The following MACF1 variants were observed in gnomAD, a reference collection of about 807,000 sequenced individuals.
The protein encoded by MACF1 is microtubule actin crosslinking factor 1.
In MACF1, 193 loss-of-function variants were observed where a neutral mutation model predicts 854.8. That is an observed-to-expected ratio of 0.23 (90% CI 0.20 to 0.25). The LOEUF (loss-of-function observed/expected upper bound fraction) is 0.25. Ranked by LOEUF, MACF1 falls within the 10% of genes least tolerant of loss-of-function variation. MACF1 has a pLI of 1.00. For synonymous variants in MACF1, 3,185 were observed against 3,226.7 expected (o/e 0.99, Z 0.44); for missense variants, 7,722 against 8,929.1 (o/e 0.86, Z 5.45).
intron 29 of MACF1, among the ~76,000 whole-genome samples, chr1:39,318,101 G>A (rs961679834): frequency 2.0e-5 from 3 of 152,096 alleles, no homozygotes; most frequent in African/African-American, 7.2e-5. Flanking sequence ...GTACTGACAG[G>A]TACTCTGTCA....
chr1:39,310,413 A>G lies in MACF1; in HGVS notation c.3085A>G (p.Lys1029Glu). ...ACKARFQHLM[K>E]SMENEDKEET... is the part of the protein sequence containing the mutation. ...TAAAGCCCGCTTCCAGCACCTGATGAAGTCCATGGAGAATGGTGTGTGCAC... is the reference window on the plus strand; with the variant it reads ...TAAAGCCCGCTTCCAGCACCTGATGGAGTCCATGGAGAATGGTGTGTGCAC... Residue 1029 changes from lysine to glutamate, a missense_variant, in exon 25 of 101, where the codon AAG (lysine) becomes GAG (glutamate). Physicochemically the swap from Lys to Glu is moderately conservative, Grantham distance 56. Transcript: ENST00000564288. The G allele has an allele frequency of 6.2e-7, 1 of 1,614,064 alleles. No individual in the cohort carries two copies. Among genetic ancestry groups the G allele is most frequent in the South Asian group, 1.1e-5 (1 of 91,066 alleles).
At chr1:39,405,117 A>G (rs1306779760) in intron 58 of MACF1, among the ~76,000 whole-genome samples, 1 of 152,198 alleles carries the variant, frequency 6.6e-6, no homozygotes, top group Non-Finnish European at 1.5e-5. Flanking sequence ...TGGGTTCACG[A>G]GTACATGAGA....
intron 2 of MACF1, among the ~76,000 whole-genome samples, chr1:39,087,583 T>G (rs1472153931): frequency 6.6e-6 from 1 of 152,230 alleles, no homozygotes; most frequent in African/African-American, 2.4e-5. Flanking sequence ...CCAGCCACAT[T>G]CAAATGTAAC....
intron 1 of MACF1, among the ~76,000 whole-genome samples, chr1:39,219,160 T>C (rs1644617793): frequency 6.6e-6 from 1 of 152,228 alleles, no homozygotes; most frequent in South Asian, 2.1e-4. Flanking sequence ...CAATCCTCAT[T>C]GGTACTTTCT....
At chr1:39,227,127 C>T (rs1299665330) in intron 1 of MACF1, among the ~76,000 whole-genome samples, 2 of 152,154 alleles carry the variant, frequency 1.3e-5, no homozygotes, top group Non-Finnish European at 2.9e-5. Context: ...TAGCTTGCTG[C>T]AGCCTCAAAC....
In MACF1 at chr1:39,347,086, G is replaced by A. The variant is rs144114534; in HGVS notation, c.10691G>A (p.Arg3564Gln). The change falls in exon 41 of 101, where the codon CGA becomes CAA. Residue 3564 changes from arginine to glutamine, a missense_variant. Physicochemically the swap from Arg to Gln is conservative, Grantham distance 43. Around this residue, in one of 15 missense-constraint regions of MACF1, gnomAD observed 854 missense variants for 852.6 expected, o/e 1.00. Transcript: ENST00000564288. ...CAGGACTTGTCCCCTCAGCAGAATC[G>A]ACAGATGCTGAGGCTTCTGAATGAA... is the stretch of plus-strand genomic sequence containing the variant. Reference protein sequence around the residue: ...HAQDLSPQQNRQMLRLLNELQ... With the variant: ...HAQDLSPQQNQQMLRLLNELQ... 8 of 1,613,316 alleles carry A rather than the reference G, an allele frequency of 5.0e-6. No individual in the cohort carries two copies. The highest frequency in any genetic ancestry group is 4.5e-5 in the East Asian group (2 of 44,878).
Position 39,435,635 on chromosome 1 carries a change from A to G in MACF1, c.17862A>G (p.Leu5954=), listed in dbSNP as rs1282633152. Residue 5954 remains leucine (L), a synonymous_variant, in exon 70 of 101, where the codon TTA becomes TTG. Transcript: ENST00000564288. The part of the protein sequence containing the change: ...LLKIGPQLKE[L]NPEEGEMVEE... ...AGATAGGCCCACAACTAAAGGAATT[A>G]AACCCTGAGGAAGGGGAAATGGTGG... The G allele has an allele frequency of 1.2e-6, 2 of 1,614,110 alleles. No individual in the cohort carries two copies. Among genetic ancestry groups the G allele is most frequent in the Non-Finnish European group, 1.7e-6 (2 of 1,180,028 alleles).
chr1:39,184,097 A>G lies in MACF1; in HGVS notation c.221-47085A>G, dbSNP rs35443599. On this transcript the variant is annotated intron_variant, in intron 2 of 93. Transcript: ENST00000361689. Reference sequence around the variant, plus strand: ...ACCAGCATAAATCACAGGAAACATCACCTGTTTTTTAGTTCCTATTTCATG... The same window carrying G: ...ACCAGCATAAATCACAGGAAACATCGCCTGTTTTTTAGTTCCTATTTCATG... Among the ~76,000 whole-genome samples the G allele has an allele frequency of 9.4e-3, 1,425 of 152,220 alleles. 28 individuals are homozygous for G. The highest frequency in any genetic ancestry group is 0.033 in the African/African-American group (1,353 of 41,532).
chr1:39,454,551 A>G (rs925128888), intron 88 of MACF1, among the ~76,000 whole-genome samples: 1 of 152,176 alleles, frequency 6.6e-6, no homozygotes, highest in Non-Finnish European at 1.5e-5. Context: ...CTATAATCCT[A>G]GAACTTTGGG....
At chr1:39,476,121 T>G (rs1644877088) in intron 97 of MACF1, among the ~76,000 whole-genome samples, 1 of 152,164 alleles carries the variant, frequency 6.6e-6, no homozygotes, top group South Asian at 2.1e-4. Flanking sequence ...CAGAATGAAG[T>G]AAATTTAATA....
At chr1:39,172,900 C>T (rs1378573017) in intron 2 of MACF1, among the ~76,000 whole-genome samples, 1 of 152,208 alleles carries the variant, frequency 6.6e-6, no homozygotes, top group Non-Finnish European at 1.5e-5. Context: ...GCCTTCTTGC[C>T]TTCTGGCAGA....
chr1:39,105,267 G>A lies in MACF1; in HGVS notation c.220+20829G>A. The A allele has an allele frequency of 4.9e-6, 2 of 409,096 alleles. No homozygotes were observed. The highest frequency in any genetic ancestry group is 6.6e-6 in the Non-Finnish European group (2 of 303,906). 25.3% of individuals were successfully genotyped at this position (409,096 alleles called of 1,614,324 possible). A position where few individuals can be genotyped will look rare whatever the true frequency, so the allele number is the denominator to read the frequency against. Reference sequence around the variant, plus strand: ...GCCGAGGACTCGCCGGGACCCGGAGGCGGCGGGGAGAGGGGGCGGGGAACG... The same window carrying A: ...GCCGAGGACTCGCCGGGACCCGGAGACGGCGGGGAGAGGGGGCGGGGAACG... On this transcript the variant is annotated intron_variant, in intron 2 of 93. Transcript: ENST00000361689. This position sits in a 1 kb window ranked among gnomAD's most constrained non-coding sequence, Gnocchi z 5.9.
intron 58 of MACF1, chr1:39,410,764 G>A: frequency 1.2e-6 from 2 of 1,614,020 alleles, no homozygotes; most frequent in Non-Finnish European, 8.5e-7. Context: ...TTCCTTGCAA[G>A]AGAAGAAGGA....
intron 89 of MACF1, among the ~76,000 whole-genome samples, chr1:39,456,000 C>G (rs1277190447): frequency 3.3e-5 from 5 of 152,178 alleles, no homozygotes; most frequent in Non-Finnish European, 7.3e-5. Flanking sequence ...AGTCTCTCAA[C>G]TTTATCATGG....
chr1:39,111,854 T>G (rs1228422485), intron 2 of MACF1, among the ~76,000 whole-genome samples: 2 of 152,130 alleles, frequency 1.3e-5, no homozygotes, highest in East Asian at 3.9e-4. Context: ...TTCCAGAGCT[T>G]CTCAGTTTCT....
chr1:39,447,446 G>C lies in MACF1; in HGVS notation c.19620G>C (p.Glu6540Asp). The change falls in exon 81 of 101, where the codon GAG becomes GAC. Residue 6540 changes from glutamate to aspartate, a missense_variant. Transcript: ENST00000564288. ...TTGAAATTCAGTCAAAGCTGGAAGA[G>C]GCCCTCAACTTGGCAACAGAATTCC... ...KMEERKSKLE[E>D]ALNLATEFQN... 6.2e-7 allele frequency: 1 copy of C among 1,614,036 alleles called. No individual in the cohort carries two copies.
At chr1:39,281,513 TGGAGTC>T (rs1231528533) in intron 6 of MACF1, among the ~76,000 whole-genome samples, 3 of 145,754 alleles carry the variant, frequency 2.1e-5, no homozygotes, top group Non-Finnish European at 3.0e-5. Context: ...TTTTTTGAGA[TGGAGTC>T]TCACTCTGTC....
intron 92 of MACF1, among the ~76,000 whole-genome samples, chr1:39,461,522 C>G (rs1293861369): frequency 6.6e-6 from 1 of 152,098 alleles, no homozygotes; most frequent in African/African-American, 2.4e-5. Context: ...GGCGTGGTGG[C>G]TCGCGCCTGT....
At chr1:39,398,287 T>C (rs1263195164) in intron 58 of MACF1, among the ~76,000 whole-genome samples, 1 of 152,062 alleles carries the variant, frequency 6.6e-6, no homozygotes, top group Non-Finnish European at 1.5e-5. Context: ...TACAGGTGCA[T>C]GCTGCCATTC....
Sources: allele counts gnomAD v4.1 joint callset (sites outside exome capture counted in the v4.1 genomes callset), GRCh38; gene constraint gnomAD v4.1.1; regional missense constraint gnomAD v4.1.1; non-coding constraint Gnocchi (gnomAD v3.1); transcripts MANE v1.5; gene names NCBI Gene and HGNC (gene_info 2026-07-23, HGNC 2026-07-21).